GAD1: variants seen among roughly 807,000 people sequenced by gnomAD.
The protein encoded by GAD1 is 67 kDa glutamic acid decarboxylase.
Under a neutral mutation model 75.2 loss-of-function variants are expected in GAD1, and 35 were observed. The ratio of observed to expected loss-of-function variants is 0.47; its 90% CI spans 0.36 to 0.62. The LOEUF is 0.62. GAD1 is among the 20% of genes least tolerant of loss of function. The probability of loss-of-function intolerance (pLI) is 0.00; values close to 1 mark genes in which losing one functional copy is unlikely to be tolerated. For missense variants in GAD1, 490 were observed against 758.5 expected, an observed-to-expected ratio of 0.65 and a Z score of 4.16; for synonymous variants, 257 against 271.9, an observed-to-expected ratio of 0.95 and a Z score of 0.54.
chr2:170,821,043 C>T (rs903241145), intron 2 of GAD1, among the ~76,000 whole-genome samples: 2 of 152,220 alleles, frequency 1.3e-5, no homozygotes, highest in Non-Finnish European at 2.9e-5. Context: ...TTCTTCTCCC[C>T]GCTGGGGCTC....
At chr2:170,847,888 C>T (rs1377936700) in intron 11 of GAD1, 96 bp downstream of exon 11, 1 of 815,622 alleles carries the variant, frequency 1.2e-6, no homozygotes, top group Non-Finnish European at 2.2e-6. Context: ...CCAGCCAGCC[C>T]TCTCTCCACA....
At chr2:170,825,575 T>C (rs192291025) in intron 3 of GAD1, among the ~76,000 whole-genome samples, 12 of 152,304 alleles carry the variant, frequency 7.9e-5, no homozygotes, top group African/African-American at 2.9e-4. Context: ...GCCAGGTGCT[T>C]TCTAGCTACA....
intron 15 of GAD1, 114 bp downstream of exon 15, chr2:170,857,239 CAA>C: frequency 1.3e-6 from 1 of 768,626 alleles, no homozygotes; most frequent in Non-Finnish European, 2.2e-6. Context: ...GAAACTGCTT[CAA>C]AATTTTTATT....
intron 3 of GAD1, among the ~76,000 whole-genome samples, chr2:170,823,298 C>G (rs1476751382): frequency 9.2e-5 from 14 of 152,348 alleles, no homozygotes. Flanking sequence ...TGCACCTGAT[C>G]TTCCCAGCCT....
chr2:170,859,069 C>T (rs776735805), intron 16 of GAD1, among the ~76,000 whole-genome samples, 176 bp downstream of exon 16: 14 of 152,120 alleles, frequency 9.2e-5, no homozygotes, highest in African/African-American at 1.7e-4. Context: ...GAGCCTGCAT[C>T]GCCCCCTTAC....
intron 14 of GAD1, 114 bp from the exon 15 acceptor site, chr2:170,856,904 C>G (rs1702864957): frequency 1.2e-6 from 1 of 833,284 alleles, no homozygotes; most frequent in South Asian, 1.3e-5. Context: ...TCTTCCTAAC[C>G]AGCTCCAAAA....
At chr2:170,852,691 G>A (rs762592896) in intron 12 of GAD1, 23 bp from the exon 13 acceptor site, 21 of 1,609,818 alleles carry the variant, frequency 1.3e-5, no homozygotes, top group East Asian at 8.9e-5. Context: ...GCACCTTCTC[G>A]AAGTCTCATG....
chr2:170,834,115 C>T (rs528360363), intron 5 of GAD1, among the ~76,000 whole-genome samples: 16 of 152,176 alleles, frequency 1.1e-4, no homozygotes, highest in African/African-American at 3.9e-4. Context: ...AGAGTTGCTT[C>T]TTGGGGCAGA....
chr2:170,827,754 T>G (rs1702058439), intron 3 of GAD1, among the ~76,000 whole-genome samples: 3 of 152,188 alleles, frequency 2.0e-5, no homozygotes, highest in Admixed American at 2.0e-4. Flanking sequence ...GCAGGGGATC[T>G]GTCCCACTAG....
At chr2:170,851,683 C>G (rs759050246) in intron 12 of GAD1, among the ~76,000 whole-genome samples, 4 of 152,152 alleles carry the variant, frequency 2.6e-5, no homozygotes, top group Non-Finnish European at 5.9e-5. Context: ...AGCTATAGGC[C>G]AGGCCTTTGG....
At chr2:170,836,348 G>T (rs1304507739) in intron 5 of GAD1, among the ~76,000 whole-genome samples, 1 of 152,088 alleles carries the variant, frequency 6.6e-6, no homozygotes, top group African/African-American at 2.4e-5. Flanking sequence ...GCATACTGTG[G>T]GTTGCACAGG....
chr2:170,836,101 GGTT>G (rs1478353677), intron 5 of GAD1, among the ~76,000 whole-genome samples: 1 of 151,154 alleles, frequency 6.6e-6, no homozygotes, highest in African/African-American at 2.4e-5. Flanking sequence ...GACCGTTTTT[GGTT>G]GTTTTTCTTT....
At chr2:170,834,687 C>T (rs749763982) in intron 5 of GAD1, among the ~76,000 whole-genome samples, 4 of 152,094 alleles carry the variant, frequency 2.6e-5, no homozygotes, top group Non-Finnish European at 5.9e-5. Context: ...TTACCTGTAC[C>T]GCCATCCATT....
intron 3 of GAD1, among the ~76,000 whole-genome samples, chr2:170,828,375 T>G (rs964671198): frequency 7.2e-6 from 1 of 139,762 alleles, no homozygotes; most frequent in Non-Finnish European, 1.5e-5. Context: ...TTCCCTCTGC[T>G]GTCCTCACCC....
At chr2:170,814,866 G>A (rs1226001540), upstream of GAD1, among the ~76,000 whole-genome samples, 1 of 152,176 alleles carries the variant, frequency 6.6e-6, no homozygotes. Context: ...TGGGGTCAAA[G>A]GAGGAAGTGG....
At chr2:170,856,741 T>C (rs1436156293) in intron 14 of GAD1, among the ~76,000 whole-genome samples, 1 of 152,174 alleles carries the variant, frequency 6.6e-6, no homozygotes, top group Admixed American at 6.5e-5. Flanking sequence ...GATGACACTT[T>C]GAGTAGCACC....
intron 3 of GAD1, among the ~76,000 whole-genome samples, chr2:170,825,251 G>A (rs1417273913): frequency 4.6e-5 from 7 of 152,068 alleles, no homozygotes; most frequent in African/African-American, 1.4e-4. Flanking sequence ...AGCCAGGTGT[G>A]GTGGCCACAT....
At chr2:170,823,082 G>A (rs988475917) in intron 3 of GAD1, among the ~76,000 whole-genome samples, 2 of 152,214 alleles carry the variant, frequency 1.3e-5, no homozygotes, top group East Asian at 3.8e-4. Context: ...ACATTTCACC[G>A]ACTAAAATTC....
chr2:170,852,877 C>A, intron 13 of GAD1, 85 bp downstream of exon 13: 1 of 1,186,422 alleles, frequency 8.4e-7, no homozygotes, highest in Non-Finnish European at 1.3e-6. Flanking sequence ...CTTTGCAGTA[C>A]TTGTTGGCTG....
Sources: allele counts gnomAD v4.1 joint callset (sites outside exome capture counted in the v4.1 genomes callset), GRCh38; gene constraint gnomAD v4.1.1; transcripts MANE v1.5; gene names NCBI Gene and HGNC (gene_info 2026-07-23, HGNC 2026-07-21).